PTPRT: variants seen among roughly 807,000 people sequenced by gnomAD.
The protein encoded by PTPRT is protein tyrosine phosphatase receptor type T.
In PTPRT, 56 loss-of-function variants were observed where a neutral mutation model predicts 176.8. The ratio of observed to expected loss-of-function variants is 0.32; its 90% CI spans 0.26 to 0.40. The LOEUF is 0.40. Ranked by LOEUF, PTPRT falls within the 10% of genes least tolerant of loss-of-function variation. The pLI, the probability that PTPRT is intolerant of heterozygous loss-of-function variation, is 1.00. For synonymous variants in PTPRT, 783 were observed against 739.0 expected (o/e 1.06, Z -0.96); for missense variants, 1,540 against 1,908.2 (o/e 0.81, Z 3.60).
At chr20:42,559,778 G>A (rs1170167590) in intron 7 of PTPRT, among the ~76,000 whole-genome samples, 2 of 152,198 alleles carry the variant, frequency 1.3e-5, no homozygotes, top group African/African-American at 4.8e-5. Context: ...TAGCCTGTTT[G>A]CTGAAATATC....
chr20:42,816,962 A>C (rs1201051440), intron 2 of PTPRT, among the ~76,000 whole-genome samples: 1 of 152,226 alleles, frequency 6.6e-6, no homozygotes, highest in Non-Finnish European at 1.5e-5. Flanking sequence ...GATTGGGAGA[A>C]GGGGAGATCA....
intron 27 of PTPRT, among the ~76,000 whole-genome samples, chr20:42,094,188 G>A (rs925372676): frequency 5.3e-5 from 8 of 152,176 alleles, no homozygotes; most frequent in Admixed American, 5.2e-4. Context: ...AAGGGATGTT[G>A]AAAAAGAGAA....
chr20:42,922,636 A>G (rs541697420), intron 1 of PTPRT, among the ~76,000 whole-genome samples: 1 of 152,108 alleles, frequency 6.6e-6, no homozygotes, highest in African/African-American at 2.4e-5. Context: ...ACTTCATTCA[A>G]TTCTCTTCGT....
the PTPRT span, among the ~76,000 whole-genome samples, chr20:42,065,340 A>G: frequency 6.6e-6 from 1 of 152,378 alleles, no homozygotes; most frequent in East Asian, 1.9e-4. Flanking sequence ...AAATTACAGC[A>G]AGGATGTAGA....
At chr20:43,151,308 C>T (rs570936354) in intron 1 of PTPRT, among the ~76,000 whole-genome samples, 32 of 102,688 alleles carry the variant, frequency 3.1e-4, no homozygotes, top group African/African-American at 1.0e-3. Context: ...AGCAAAACTC[C>T]GTCTCAAACA....
chr20:42,798,600 G>C (rs548243697), intron 2 of PTPRT, among the ~76,000 whole-genome samples: 1 of 152,170 alleles, frequency 6.6e-6, no homozygotes, highest in East Asian at 1.9e-4. Flanking sequence ...TGGGGAGGTG[G>C]TGTTAATTGG....
At chr20:42,941,087 A>AT (rs1210332471) in intron 1 of PTPRT, among the ~76,000 whole-genome samples, 17 of 151,390 alleles carry the variant, frequency 1.1e-4, no homozygotes, top group Admixed American at 8.6e-4. Context: ...ATCTCAAAAA[A>AT]AAATAATAAT....
At chr20:42,595,824 C>T (rs2073661108) in intron 7 of PTPRT, among the ~76,000 whole-genome samples, 1 of 152,134 alleles carries the variant, frequency 6.6e-6, no homozygotes, top group Non-Finnish European at 1.5e-5. Context: ...CTTCTCCTGG[C>T]ACCTCACCCC....
intron 17 of PTPRT, among the ~76,000 whole-genome samples, chr20:42,154,613 T>C (rs1295013215): frequency 6.6e-6 from 1 of 152,244 alleles, no homozygotes; most frequent in African/African-American, 2.4e-5. Context: ...ACTGGGCTGG[T>C]TCCATTCATT....
intron 7 of PTPRT, among the ~76,000 whole-genome samples, chr20:42,552,449 T>C (rs188635932): frequency 3.8e-4 from 58 of 152,226 alleles, no homozygotes; most frequent in Admixed American, 2.7e-3. Flanking sequence ...TATCCAATCT[T>C]ATCCCAAAAT....
At chr20:42,109,647 G>A (rs937654922) in intron 23 of PTPRT, among the ~76,000 whole-genome samples, 1 of 152,214 alleles carries the variant, frequency 6.6e-6, no homozygotes, top group Non-Finnish European at 1.5e-5. Context: ...AGTGTCTGGA[G>A]AAAAGCAGGT....
intron 15 of PTPRT, among the ~76,000 whole-genome samples, chr20:42,221,154 C>G (rs2055878150): frequency 6.6e-6 from 1 of 152,128 alleles, no homozygotes; most frequent in Non-Finnish European, 1.5e-5. Context: ...CAGGCATGCA[C>G]CATCACACCC....
At chr20:42,907,074 GAGGGGA>G (rs972751522) in intron 1 of PTPRT, among the ~76,000 whole-genome samples, 12 of 152,050 alleles carry the variant, frequency 7.9e-5, no homozygotes, top group Non-Finnish European at 1.8e-4. Context: ...ATGTAACAGT[GAGGGGA>G]AAAAATAAGA....
Position 42,119,989 on chromosome 20 carries a change from A to G in PTPRT, c.2848-18T>C. The G allele has an allele frequency of 6.2e-7, 1 of 1,603,298 alleles. No homozygotes were observed. Among genetic ancestry groups the G allele is most frequent in the South Asian group, 1.1e-5 (1 of 89,676 alleles). ...TGGTATCCCTGGATAACAGGAGAAA[A>G]GCACTGTGAAGAGTCTGTTGTCAAA... On this transcript the variant is annotated intron_variant, in intron 19 of 30. Transcript: ENST00000373187.
chr20:43,153,227 C>T (rs1220092750), intron 1 of PTPRT, among the ~76,000 whole-genome samples: 1 of 152,050 alleles, frequency 6.6e-6, no homozygotes, highest in East Asian at 1.9e-4. Flanking sequence ...ATGAATGAAA[C>T]TTTGTTTAAA....
rs149406141 is a variant in PTPRT at position 43,180,313 on chromosome 20, T to C, written c.88+9333A>G. On this transcript the variant is annotated intron_variant, in intron 1 of 30. Coordinates refer to ENST00000373187, the MANE Select transcript of PTPRT (RefSeq NM_007050.6). Reference sequence around the variant, plus strand: ...GGACTTCTCGGCCTCTAAACCTGCATGAGCCAATTCCTATAAGAAATGAAT... The same window carrying C: ...GGACTTCTCGGCCTCTAAACCTGCACGAGCCAATTCCTATAAGAAATGAAT... 4.3e-3 allele frequency among the ~76,000 whole-genome samples: 612 copies of C among 142,480 alleles called. 5 individuals are homozygous for C. The highest frequency in any genetic ancestry group is 0.015 in the African/African-American group (579 of 37,626). The allele number at this position is 142,480 out of a possible 152,430, so 93.5% of individuals were successfully genotyped here.
chr20:42,480,727 C>T lies in PTPRT; in HGVS notation c.1154-8165G>A, dbSNP rs1020841057. ...CCCAGCTAAGCCAATTTGATGATGA[C>T]GCATGCACAACCCTGACATTCGTTA... On this transcript the variant is annotated intron_variant, in intron 7 of 30. Transcript: ENST00000373187. 8.5e-5 allele frequency among the ~76,000 whole-genome samples: 13 copies of T among 152,238 alleles called. No homozygotes were observed. The South Asian group carries it at 2.1e-3, about 24-fold the overall frequency.
chr20:42,500,148 T>C (rs1455319151), intron 7 of PTPRT, among the ~76,000 whole-genome samples: 3 of 152,058 alleles, frequency 2.0e-5, no homozygotes. Context: ...TGTTTTGATA[T>C]ATGTTTTATT....
At chr20:42,397,913 G>C (rs751864521) in intron 9 of PTPRT, among the ~76,000 whole-genome samples, 7 of 152,180 alleles carry the variant, frequency 4.6e-5, no homozygotes, top group Non-Finnish European at 8.8e-5. Context: ...ACTAACAGTA[G>C]ACACTTACTT....
Sources: allele counts gnomAD v4.1 joint callset (sites outside exome capture counted in the v4.1 genomes callset), GRCh38; gene constraint gnomAD v4.1.1; transcripts MANE v1.5; gene names NCBI Gene and HGNC (gene_info 2026-07-23, HGNC 2026-07-21).